TRERF1: variants seen among roughly 807,000 people sequenced by gnomAD.
TRERF1 encodes transcriptional regulating factor 1.
A neutral mutation model predicts 122.9 loss-of-function variants in TRERF1; 27 were observed. The ratio of observed to expected loss-of-function variants is 0.22; its 90% CI spans 0.16 to 0.30. TRERF1 has a LOEUF of 0.30. Among genes scored for constraint, TRERF1 ranks in the 10% least tolerant of loss-of-function variants. The pLI, the probability that TRERF1 is intolerant of heterozygous loss-of-function variation, is 1.00. For missense variants in TRERF1, 1,248 were observed against 1,560.3 expected, an observed-to-expected ratio of 0.80 and a Z score of 3.37; for synonymous variants, 636 against 641.7, an observed-to-expected ratio of 0.99 and a Z score of 0.13.
intron 2 of TRERF1, among the ~76,000 whole-genome samples, chr6:42,373,438 CG>C (rs1774149659): frequency 6.6e-6 from 1 of 151,940 alleles, no homozygotes; most frequent in South Asian, 2.1e-4. Flanking sequence ...GAGGCCAAGG[CG>C]GGTGGATCAT....
intron 3 of TRERF1, among the ~76,000 whole-genome samples, chr6:42,311,765 CAAA>C (rs10530333): frequency 0.012 from 397 of 34,490 alleles, no homozygotes; most frequent in South Asian, 0.015. Flanking sequence ...GACTCCGTCT[CAAA>C]AAAAAAAAAA....
chr6:42,432,863 T>C (rs1025572956), intron 2 of TRERF1, among the ~76,000 whole-genome samples: 14 of 139,068 alleles, frequency 1.0e-4, no homozygotes, highest in Admixed American at 9.3e-4. Context: ...AAAAAAAAAG[T>C]CACCTAAAGA....
intron 2 of TRERF1, among the ~76,000 whole-genome samples, chr6:42,374,577 T>C (rs1774464059): frequency 6.6e-6 from 1 of 152,198 alleles, no homozygotes; most frequent in Non-Finnish European, 1.5e-5. Flanking sequence ...GTACCAGTCA[T>C]TTCCTGCCAG....
rs78735332 is a variant in TRERF1, at chr6:42,427,619, G to A, written c.-454+23558C>T. Among the ~76,000 whole-genome samples the A allele has an allele frequency of 5.7e-3, 831 of 144,604 alleles. 6 individuals are homozygous for A. The highest frequency in any genetic ancestry group is 0.02 in the African/African-American group (795 of 38,938). 94.9% of individuals were successfully genotyped at this position (144,604 alleles called of 152,430 possible). On this transcript the variant is annotated intron_variant, in intron 2 of 17. Transcript: ENST00000372922. ...AGGCTGGAGTGTGGTATGCCATCTC[G>A]GCTCACTGCAGCCTCCACCTGCCAG...
At chr6:42,301,915 CAG>C in intron 3 of TRERF1, among the ~76,000 whole-genome samples, 1 of 152,298 alleles carries the variant, frequency 6.6e-6, no homozygotes, top group Non-Finnish European at 1.5e-5. Context: ...AAAGTTAGTT[CAG>C]AGAGTCTCTC....
chr6:42,289,290 C>A (rs146587058), intron 4 of TRERF1, among the ~76,000 whole-genome samples: 1 of 151,252 alleles, frequency 6.6e-6, no homozygotes, highest in African/African-American at 2.4e-5. Flanking sequence ...CATGCCACTG[C>A]GCTCCAGCCC....
intron 3 of TRERF1, among the ~76,000 whole-genome samples, chr6:42,314,617 T>C (rs919380477): frequency 1.3e-5 from 2 of 152,154 alleles, no homozygotes; most frequent in African/African-American, 4.8e-5. Flanking sequence ...TTAAAGTGTA[T>C]AGTGTATTAG....
intron 2 of TRERF1, among the ~76,000 whole-genome samples, chr6:42,376,536 CT>C (rs781389630): frequency 0.051 from 4,896 of 96,294 alleles, 50 homozygotes; most frequent in African/African-American, 0.14. Context: ...TCGTCTAATT[CT>C]TTTTTTTTTT....
intron 4 of TRERF1, among the ~76,000 whole-genome samples, chr6:42,290,483 G>C (rs1018296700): frequency 6.6e-6 from 1 of 152,048 alleles, no homozygotes; most frequent in Non-Finnish European, 1.5e-5. Context: ...AATCATCCAA[G>C]TGTGTGAGCA....
chr6:42,302,447 AG>A (rs1786381325), intron 3 of TRERF1, among the ~76,000 whole-genome samples: 1 of 152,032 alleles, frequency 6.6e-6, no homozygotes, highest in Admixed American at 6.6e-5. Context: ...ACTCTGCAGA[AG>A]AAAACTTCCT....
chr6:42,265,388 A>G (rs1291827844), intron 6 of TRERF1, among the ~76,000 whole-genome samples: 1 of 152,240 alleles, frequency 6.6e-6, no homozygotes, highest in African/African-American at 2.4e-5. Context: ...TAAATACTGA[A>G]TGAATGCACA....
At chr6:42,372,650 G>C (rs1486202567) in intron 2 of TRERF1, among the ~76,000 whole-genome samples, 1 of 152,222 alleles carries the variant, frequency 6.6e-6, no homozygotes, top group Non-Finnish European at 1.5e-5. Flanking sequence ...AAAACAGCCA[G>C]ACAACATCCC....
chr6:42,343,703 G>C (rs982780325), intron 3 of TRERF1, among the ~76,000 whole-genome samples: 3 of 152,200 alleles, frequency 2.0e-5, no homozygotes, highest in Admixed American at 2.0e-4. Context: ...AACAGGTATG[G>C]GGTTTGGTTG....
chr6:42,435,969 G>T (rs1027017792), intron 2 of TRERF1, among the ~76,000 whole-genome samples: 2 of 152,006 alleles, frequency 1.3e-5, no homozygotes, highest in Non-Finnish European at 2.9e-5. Context: ...GACAGTGCGA[G>T]ACTCCATCTC....
chr6:42,423,286 G>A (rs1305133962), intron 2 of TRERF1, among the ~76,000 whole-genome samples: 1 of 152,132 alleles, frequency 6.6e-6, no homozygotes, highest in Non-Finnish European at 1.5e-5. Flanking sequence ...CACAAATTAG[G>A]ATGCCATGGA....
chr6:42,297,881 A>G (rs951665030), intron 4 of TRERF1, among the ~76,000 whole-genome samples: 2 of 152,186 alleles, frequency 1.3e-5, no homozygotes, highest in African/African-American at 4.8e-5. Context: ...AGAAACAACA[A>G]GTGGCAGAAC....
intron 13 of TRERF1, among the ~76,000 whole-genome samples, chr6:42,247,363 T>G (rs1031384623): frequency 1.3e-5 from 2 of 152,224 alleles, no homozygotes; most frequent in Non-Finnish European, 2.9e-5. Context: ...CATTTCTAAG[T>G]GCTTACTAAG....
intron 3 of TRERF1, among the ~76,000 whole-genome samples, chr6:42,341,487 C>T (rs774628882): frequency 2.0e-4 from 30 of 152,200 alleles, no homozygotes; most frequent in Non-Finnish European, 3.7e-4. Flanking sequence ...GGGTCTGCCC[C>T]GGAGTCTAAG....
chr6:42,353,815 A>T (rs1227964112), intron 3 of TRERF1, among the ~76,000 whole-genome samples: 1 of 152,220 alleles, frequency 6.6e-6, no homozygotes, highest in Non-Finnish European at 1.5e-5. Flanking sequence ...TTTATTGTTT[A>T]AAAAATGTGT....
Sources: allele counts gnomAD v4.1 joint callset (sites outside exome capture counted in the v4.1 genomes callset), GRCh38; gene constraint gnomAD v4.1.1; transcripts MANE v1.5; gene names NCBI Gene and HGNC (gene_info 2026-07-23, HGNC 2026-07-21).